The following CNNM3 variants were observed in gnomAD, a reference collection of about 807,000 sequenced individuals.
The protein encoded by CNNM3 is metal transporter CNNM3.
Under a neutral mutation model 57.1 loss-of-function variants are expected in CNNM3, and 47 were observed. The observed-to-expected ratio is 0.82, with a 90% CI of 0.65 to 1.05. The LOEUF (loss-of-function observed/expected upper bound fraction) is 1.05. CNNM3 is among the 50% of genes least tolerant of loss of function. The pLI, the probability that CNNM3 is intolerant of heterozygous loss-of-function variation, is 0.00. For missense variants in CNNM3, 957 were observed against 973.7 expected (o/e 0.98, Z 0.23); for synonymous variants, 507 against 478.2 (o/e 1.06, Z -0.79).
intron 1 of CNNM3, among the ~76,000 whole-genome samples, chr2:96,823,545 G>A (rs1485562870): frequency 6.6e-6 from 1 of 152,196 alleles, no homozygotes; most frequent in Non-Finnish European, 1.5e-5. Context: ...ATCTCCAGGG[G>A]CCCTAGCCTT....
At chr2:96,823,476 G>A (rs2079441867) in intron 1 of CNNM3, among the ~76,000 whole-genome samples, 1 of 152,204 alleles carries the variant, frequency 6.6e-6, no homozygotes, top group Non-Finnish European at 1.5e-5. Context: ...ACGGCACCCA[G>A]CACAAGCACT....
At position 96,826,881 on chromosome 2, in the gene CNNM3, A is replaced by G. The variant is rs747704481; in HGVS notation, c.1418A>G (p.Lys473Arg). Reference protein sequence around the residue: ...RKPASLMAPLKRKEEFSLFKV... With the variant: ...RKPASLMAPLRRKEEFSLFKV... ...CCTGCTTCTCTGATGGCCCCTCTGA[A>G]GCGGAAGGAGGAGTTCTCCTTGTTC... Residue 473 changes from lysine (K) to arginine (R), a missense_variant, in exon 3 of 8, where the codon AAG (lysine) becomes AGG (arginine). Transcript: ENST00000305510. 9.9e-6 allele frequency: 16 copies of G among 1,614,210 alleles called. No individual in the cohort carries two copies. The highest frequency in any genetic ancestry group is 1.4e-5 in the Non-Finnish European group (16 of 1,180,038).
chr2:96,825,536 G>T (rs992412495), intron 2 of CNNM3, among the ~76,000 whole-genome samples: 11 of 152,152 alleles, frequency 7.2e-5, no homozygotes, highest in African/African-American at 2.4e-4. Context: ...GTCTCCCTAG[G>T]TGCTTTTGTT....
chr2:96,832,115 C>T, intron 7 of CNNM3: 1 of 997,168 alleles, frequency 1.0e-6, no homozygotes, highest in Non-Finnish European at 1.2e-6. Context: ...TTTCCTGGCC[C>T]TTCAGCTGAG....
Position 96,825,201 on chromosome 2 carries a change from C to G in CNNM3, c.1369C>G (p.Arg457Gly), listed in dbSNP as rs754051533. ...SEILDESEDYRDTVVKRKPAS... is the reference protein window; with the variant it reads ...SEILDESEDYGDTVVKRKPAS... ...GATCCTGGACGAGTCTGAAGACTAC[C>G]GTGAGTCCAGACTCTTGGCAGTTCT... Residue 457 changes from arginine to glycine, a missense_variant and splice_region_variant, in exon 2 of 8, where the codon CGA becomes GGA. Arg to Gly is a moderately radical substitution (Grantham distance 125). Coordinates refer to ENST00000305510, the MANE Select transcript of CNNM3 (RefSeq NM_017623.5). 11 of 1,613,962 alleles carry G rather than the reference C, an allele frequency of 6.8e-6. No individual in the cohort carries two copies.
intron 6 of CNNM3, 113 bp downstream of exon 6, chr2:96,828,813 A>T: frequency 6.6e-7 from 1 of 1,504,020 alleles, no homozygotes; most frequent in South Asian, 1.2e-5. Flanking sequence ...ATCCTGAGGG[A>T]CACAGACCTT....
intron 1 of CNNM3, among the ~76,000 whole-genome samples, chr2:96,820,030 G>A (rs1345187041): frequency 6.6e-6 from 1 of 152,210 alleles, no homozygotes; most frequent in Non-Finnish European, 1.5e-5. Flanking sequence ...CTTGTGTGCT[G>A]TGTAAGGAAC....
intron 1 of CNNM3, 108 bp from the exon 2 acceptor site, chr2:96,824,950 T>C: frequency 7.9e-7 from 1 of 1,263,886 alleles, no homozygotes; most frequent in South Asian, 1.3e-5. Flanking sequence ...TGGCACGTTG[T>C]AGGAGCATGA....
downstream of CNNM3, among the ~76,000 whole-genome samples, chr2:96,835,883 C>T (rs1015722239): frequency 1.3e-5 from 2 of 152,168 alleles, no homozygotes; most frequent in Admixed American, 6.5e-5. Context: ...ACAGGTGTGT[C>T]GTGATGCCTC....
rs11687092 is a variant in CNNM3 at position 96,817,171 on chromosome 2, C to G, written c.894C>G (p.Gly298=). ...ERVLELARGG[G]DPYSDLSKGV... Reference sequence around the variant, plus strand: ...TGCTGGAGCTGGCGCGCGGCGGCGGCGACCCCTACAGCGATCTCAGCAAGG... The same window carrying G: ...TGCTGGAGCTGGCGCGCGGCGGCGGGGACCCCTACAGCGATCTCAGCAAGG... The change falls in exon 1 of 8, where the codon GGC becomes GGG. Residue 298 remains glycine (G), a synonymous_variant. Coordinates refer to ENST00000305510, the MANE Select transcript of CNNM3 (RefSeq NM_017623.5). 1 of 1,448,718 alleles carries G rather than the reference C, an allele frequency of 6.9e-7. No individual in the cohort carries two copies. The highest frequency in any genetic ancestry group is 1.5e-5 in the South Asian group (1 of 67,196). 89.7% of individuals were successfully genotyped at this position (1,448,718 alleles called of 1,614,324 possible).
In CNNM3 at chr2:96,817,804, A is replaced by G. The variant is rs965837393; in HGVS notation, c.1225+302A>G. Among the ~76,000 whole-genome samples the G allele has an allele frequency of 3.4e-5, 5 of 147,754 alleles. No individual in the cohort carries two copies. The East Asian group carries it at 1.0e-3, about 30-fold the overall frequency. The stretch of plus-strand genomic sequence containing the variant: ...ATGTCCGCTTGTCCTCTAATCCCCC[A>G]GCTCTTTCCCTCTCCCAGAGTGTTT... On this transcript the variant is annotated intron_variant, in intron 1 of 7. Transcript: ENST00000305510.
intron 5 of CNNM3, 111 bp from the exon 6 acceptor site, chr2:96,828,456 C>G (rs1286996783): frequency 1.5e-6 from 2 of 1,374,482 alleles, no homozygotes; most frequent in Non-Finnish European, 2.0e-6. Flanking sequence ...CATTGCCTCT[C>G]CAGAGTGATT....
rs1284799252 is a variant in CNNM3 at position 96,833,920 on chromosome 2, TTTTG to T, written c.*1312_*1315del. ...AAATCCTCTCTCCAGAACAGTGGTT[TTTTG>T]TTTGTTTATTTGAGATGGAGTCTCA... is the stretch of plus-strand genomic sequence containing the variant. On this transcript the variant is annotated 3_prime_UTR_variant, in exon 8 of 8. Transcript: ENST00000305510. The T allele has an allele frequency of 2.0e-5, 3 of 152,196 alleles. No individual in the cohort carries two copies. The highest frequency in any genetic ancestry group is 6.5e-5 in the Admixed American group (1 of 15,274). The allele number at this position is 152,196 out of a possible 1,614,324, so 9.4% of individuals were successfully genotyped here.
At chr2:96,836,467 C>T (rs2079692412), downstream of CNNM3, 1 of 152,104 alleles carries the variant, frequency 6.6e-6, no homozygotes, top group African/African-American at 2.4e-5. Flanking sequence ...TCTCAAACTC[C>T]TGACCTCAGA....
intron 1 of CNNM3, among the ~76,000 whole-genome samples, chr2:96,817,757 C>G (rs1020785108): frequency 6.6e-6 from 1 of 151,960 alleles, no homozygotes; most frequent in Admixed American, 6.5e-5. Flanking sequence ...ATAGCCCCCC[C>G]CCCCCATTTG....
chr2:96,832,432 A>C (rs990363746), intron 7 of CNNM3, 120 bp from the exon 8 acceptor site: 31 of 1,553,228 alleles, frequency 2.0e-5, no homozygotes, highest in Non-Finnish European at 2.7e-5. Flanking sequence ...ATACTTCCCA[A>C]GGCATCCCGA....
Position 96,834,321 on chromosome 2 carries a change from T to A in CNNM3, c.*1705T>A, listed in dbSNP as rs146952302. On this transcript the variant is annotated 3_prime_UTR_variant, in exon 8 of 8. Coordinates refer to ENST00000305510, the MANE Select transcript of CNNM3 (RefSeq NM_017623.5). The stretch of plus-strand genomic sequence containing the variant: ...AGAGTCGGCATCAGAGTTTTCAATT[T>A]TTTATTTATTTATTATTATTATTAT... 2.7e-3 allele frequency among the ~76,000 whole-genome samples: 389 copies of A among 145,366 alleles called. 2 individuals carry two copies. Among genetic ancestry groups the A allele is most frequent in the African/African-American group, 4.6e-3 (168 of 36,330 alleles).
chr2:96,836,306 G>GGTCTCGGCTCACTGCAAC (rs1180860043), downstream of CNNM3, among the ~76,000 whole-genome samples: 2 of 149,708 alleles, frequency 1.3e-5, no homozygotes, highest in African/African-American at 4.9e-5. Context: ...TCAATGGCGT[G>GGTCTCGGCTCACTGCAAC]GTCTCGGCTC....
chr2:96,826,744 A>G, intron 2 of CNNM3, 89 bp from the exon 3 acceptor site: 1 of 1,488,920 alleles, frequency 6.7e-7, no homozygotes, highest in Non-Finnish European at 9.2e-7. Flanking sequence ...TGGCCTCAGG[A>G]GGAAGGAGCA....
Sources: allele counts gnomAD v4.1 joint callset (sites outside exome capture counted in the v4.1 genomes callset), GRCh38; gene constraint gnomAD v4.1.1; transcripts MANE v1.5; gene names NCBI Gene and HGNC (gene_info 2026-07-23, HGNC 2026-07-21).